The following MAGI1 variants were observed in gnomAD, a reference collection of about 807,000 sequenced individuals.
The protein encoded by MAGI1 is membrane associated guanylate kinase, WW and PDZ domain containing 1, also known as membrane-associated guanylate kinase, WW and PDZ domain-containing protein 1.
A neutral mutation model predicts 139.9 loss-of-function variants in MAGI1; 58 were observed. The ratio of observed to expected loss-of-function variants is 0.41; its 90% CI spans 0.34 to 0.52. MAGI1 has a LOEUF of 0.52. Among genes scored for constraint, MAGI1 ranks in the 20% least tolerant of loss-of-function variants. The pLI is 0.12. For missense variants in MAGI1, 1,874 were observed against 1,901.6 expected, an observed-to-expected ratio of 0.99 and a Z score of 0.27; for synonymous variants, 812 against 737.9, an observed-to-expected ratio of 1.10 and a Z score of -1.63.
chr3:65,589,022 C>T (rs1223579572), intron 2 of MAGI1, among the ~76,000 whole-genome samples: 3 of 152,044 alleles, frequency 2.0e-5, no homozygotes, highest in Admixed American at 6.6e-5. Context: ...AAGAAGAGAA[C>T]CATCTAGGAA....
At chr3:65,783,055 C>CT (rs1414649176) in intron 1 of MAGI1, among the ~76,000 whole-genome samples, 1 of 151,496 alleles carries the variant, frequency 6.6e-6, no homozygotes, top group African/African-American at 2.4e-5. Context: ...AAATGAAAAA[C>CT]TTTGGTGTTG....
At chr3:65,657,232 A>T (rs1576622502) in intron 1 of MAGI1, among the ~76,000 whole-genome samples, 3 of 152,142 alleles carry the variant, frequency 2.0e-5, no homozygotes, top group South Asian at 4.1e-4. Flanking sequence ...AAGGAGATAC[A>T]ATAAGTGTGG....
intron 2 of MAGI1, among the ~76,000 whole-genome samples, chr3:65,540,267 T>C (rs1046394269): frequency 2.0e-5 from 3 of 152,208 alleles, no homozygotes; most frequent in East Asian, 1.9e-4. Flanking sequence ...TGGACTACTC[T>C]ATCTAAAATT....
intron 1 of MAGI1, among the ~76,000 whole-genome samples, chr3:65,737,353 G>GTGGATGGATGGACAGA (rs2034854597): frequency 6.6e-6 from 1 of 152,178 alleles, no homozygotes; most frequent in Non-Finnish European, 1.5e-5. Context: ...GGACGGACGG[G>GTGGATGGATGGACAGA]TGGATGGATG....
At chr3:65,769,145 C>G (rs1247988202) in intron 1 of MAGI1, among the ~76,000 whole-genome samples, 1 of 152,150 alleles carries the variant, frequency 6.6e-6, no homozygotes, top group African/African-American at 2.4e-5. Context: ...GGAAAATATT[C>G]TTTAAAAGTT....
intron 1 of MAGI1, among the ~76,000 whole-genome samples, chr3:65,734,238 G>A (rs1418341990): frequency 2.0e-5 from 3 of 152,008 alleles, no homozygotes; most frequent in Non-Finnish European, 1.5e-5. Context: ...GAGGTGGGAG[G>A]AAGGCTTGAT....
At chr3:65,466,237 T>C (rs1950164953) in intron 5 of MAGI1, among the ~76,000 whole-genome samples, 1 of 152,218 alleles carries the variant, frequency 6.6e-6, no homozygotes, top group African/African-American at 2.4e-5. Context: ...ATCGCTGTGT[T>C]AGTATCTACT....
At chr3:65,611,286 T>C (rs1339027204) in intron 2 of MAGI1, among the ~76,000 whole-genome samples, 5 of 141,942 alleles carry the variant, frequency 3.5e-5, no homozygotes, top group African/African-American at 1.3e-4. Flanking sequence ...AATAGTATAG[T>C]ATACTATGTG....
At chr3:65,375,632 ATAC>A in intron 18 of MAGI1, 110 bp downstream of exon 18, 1 of 912,780 alleles carries the variant, frequency 1.1e-6, no homozygotes, top group Non-Finnish European at 1.7e-6. Context: ...CACTAAATTA[ATAC>A]TATTCAGTTA....
chr3:65,760,952 G>A (rs1277295925), intron 1 of MAGI1, among the ~76,000 whole-genome samples: 1 of 152,202 alleles, frequency 6.6e-6, no homozygotes, highest in Non-Finnish European at 1.5e-5. Context: ...AGGCAGGAAA[G>A]AGTCTTTGCA....
At position 65,440,016 on chromosome 3, in the gene MAGI1, G is replaced by A. The variant is rs781165677; in HGVS notation, c.1137-4C>T. The A allele has an allele frequency of 1.9e-6, 3 of 1,613,886 alleles. No individual in the cohort carries two copies. The South Asian group carries it at 3.3e-5, about 18-fold the overall frequency. ...TTGTGTCTTCCTGTTGATGTGGCTG[G>A]GGAAGATAGCAAATAGTATTCAGCT... On this transcript the variant is annotated splice_region_variant and splice_polypyrimidine_tract_variant and intron_variant, in intron 8 of 22. Coordinates refer to ENST00000402939, the MANE Select transcript of MAGI1 (RefSeq NM_001033057.2).
chr3:65,648,607 CAA>C (rs2085410203), intron 1 of MAGI1, among the ~76,000 whole-genome samples: 1 of 152,126 alleles, frequency 6.6e-6, no homozygotes, highest in Non-Finnish European at 1.5e-5. Flanking sequence ...ATCAAGAATT[CAA>C]AGAGTCGACA....
chr3:65,572,000 A>G (rs1257824991), intron 2 of MAGI1, among the ~76,000 whole-genome samples: 2 of 152,158 alleles, frequency 1.3e-5, no homozygotes, highest in South Asian at 4.1e-4. Context: ...ATAAGCATAT[A>G]TGCACAAATT....
chr3:65,961,662 C>T (rs1021814841), intron 1 of MAGI1, among the ~76,000 whole-genome samples: 4 of 152,142 alleles, frequency 2.6e-5, no homozygotes, highest in Non-Finnish European at 4.4e-5. Context: ...TAGATAGTGC[C>T]TTACTAAGGC....
intron 13 of MAGI1, among the ~76,000 whole-genome samples, chr3:65,397,441 C>T (rs1944479899): frequency 6.6e-6 from 1 of 152,072 alleles, no homozygotes; most frequent in East Asian, 1.9e-4. Flanking sequence ...TCTAAAGAGG[C>T]TGTTGAAGAG....
chr3:65,519,081 G>C (rs555474961), intron 2 of MAGI1, among the ~76,000 whole-genome samples: 4 of 152,168 alleles, frequency 2.6e-5, no homozygotes, highest in Non-Finnish European at 4.4e-5. Flanking sequence ...CAAATGTCCT[G>C]AGGCAGGAGC....
Position 65,516,939 on chromosome 3 carries a change from G to A in MAGI1, c.431-23308C>T, listed in dbSNP as rs374182767. Among the ~76,000 whole-genome samples, 52 of 149,954 alleles carry A rather than the reference G, an allele frequency of 3.5e-4. 1 individual carries two copies. Among genetic ancestry groups the A allele is most frequent in the African/African-American group, 1.2e-3 (48 of 40,810 alleles). ...GAGACGGGGTTTCACCGTTTTAGCCGGGATGGTCTCGATCTCCTGACCTCG... is the reference window on the plus strand; with the variant it reads ...GAGACGGGGTTTCACCGTTTTAGCCAGGATGGTCTCGATCTCCTGACCTCG... On this transcript the variant is annotated intron_variant, in intron 2 of 22. Coordinates refer to ENST00000402939, the MANE Select transcript of MAGI1 (RefSeq NM_001033057.2).
intron 1 of MAGI1, among the ~76,000 whole-genome samples, chr3:65,648,514 A>G (rs2085406720): frequency 6.6e-6 from 1 of 152,218 alleles, no homozygotes; most frequent in Non-Finnish European, 1.5e-5. Context: ...TATAAATCTA[A>G]CAAATTCAGT....
chr3:65,781,857 A>C (rs1263731144), intron 1 of MAGI1, among the ~76,000 whole-genome samples: 2 of 151,990 alleles, frequency 1.3e-5, no homozygotes, highest in Admixed American at 6.6e-5. Flanking sequence ...AGCTTTCCTG[A>C]AGTCAGTCAG....
Sources: allele counts gnomAD v4.1 joint callset (sites outside exome capture counted in the v4.1 genomes callset), GRCh38; gene constraint gnomAD v4.1.1; transcripts MANE v1.5; gene names NCBI Gene and HGNC (gene_info 2026-07-23, HGNC 2026-07-21).